Variants in DST observed in about 807,000 individuals in gnomAD.
DST encodes the protein bullous pemphigoid antigen.
DST carries 253 observed loss-of-function variants against 875.2 expected under a neutral mutation model. The ratio of observed to expected loss-of-function variants is 0.29; its 90% CI spans 0.26 to 0.32. The LOEUF (loss-of-function observed/expected upper bound fraction) is 0.32, where lower values mean the gene tolerates loss of function less well. Ranked by LOEUF, DST falls within the 10% of genes least tolerant of loss-of-function variation. The pLI, the probability that DST is intolerant of heterozygous loss-of-function variation, is 1.00. For missense variants in DST, 8,287 were observed against 9,111.6 expected (o/e 0.91, Z 3.68); for synonymous variants, 3,124 against 3,197.1 (o/e 0.98, Z 0.77).
At chr6:56,847,659 C>A (rs1242203602) in intron 4 of DST, among the ~76,000 whole-genome samples, 1 of 152,178 alleles carries the variant, frequency 6.6e-6, no homozygotes, top group South Asian at 2.1e-4. Flanking sequence ...CTCTTTAAAT[C>A]TCAATTCAAG....
chr6:56,614,906 G>C, intron 36 of DST: 1 of 991,696 alleles, frequency 1.0e-6, no homozygotes, highest in Non-Finnish European at 1.2e-6. Flanking sequence ...ACAGAATGAA[G>C]AAAATCCTTC....
chr6:56,815,345 T>A (rs1415258329), intron 4 of DST, among the ~76,000 whole-genome samples: 1 of 146,506 alleles, frequency 6.8e-6, no homozygotes, highest in African/African-American at 2.5e-5. Flanking sequence ...CACACCAAGG[T>A]ATACGTATAA....
At chr6:56,568,057 G>C (rs999296959) in intron 55 of DST, among the ~76,000 whole-genome samples, 2 of 151,980 alleles carry the variant, frequency 1.3e-5, no homozygotes, top group Non-Finnish European at 2.9e-5. Flanking sequence ...ATAGAAAAGG[G>C]CCTATTTCCT....
chr6:56,803,376 T>A (rs1429933238), intron 4 of DST, among the ~76,000 whole-genome samples: 1 of 152,108 alleles, frequency 6.6e-6, no homozygotes, highest in East Asian at 1.9e-4. Flanking sequence ...TTAATATCTA[T>A]CATAGTGACA....
At position 56,592,323 on chromosome 6, in the gene DST, C is replaced by T. The variant is rs777200803; in HGVS notation, c.12762G>A (p.Val4254=). 5.6e-6 allele frequency: 9 copies of T among 1,604,620 alleles called. No individual in the cohort carries two copies. In the Admixed American group the frequency reaches 8.5e-5, roughly 15 times the overall value. ...NVLGNNLKDL[V]DKYQHYEDAS... Reference sequence around the variant, plus strand: ...CATCTTCATAGTGTTGATATTTATCCACCAGATCTTTAAGATTATTTCCAA... The same window carrying T: ...CATCTTCATAGTGTTGATATTTATCTACCAGATCTTTAAGATTATTTCCAA... Residue 4254 remains valine (V), a synonymous_variant, in exon 49 of 104, where the codon GTG becomes GTA. Transcript: ENST00000680361.
chr6:56,584,938 T>G (rs1344636330), intron 49 of DST, among the ~76,000 whole-genome samples: 2 of 151,936 alleles, frequency 1.3e-5, no homozygotes, highest in Non-Finnish European at 2.9e-5. Flanking sequence ...ATCCCAGGGA[T>G]GAAGCCCACT....
At position 56,609,021 on chromosome 6, in the gene DST, G is replaced by A. The variant is rs778407846; in HGVS notation, c.5607C>T (p.Ala1869=). Residue 1869 remains alanine (A), a synonymous_variant, in exon 40 of 104, where the codon GCC becomes GCT. Coordinates refer to ENST00000680361, the MANE Select transcript of DST (RefSeq NM_001374736.1). ...LAQSMITESM[A]IKVLEILLST... is the part of the protein sequence containing the mutation. ...AAAGCAGTATCTCAAGAACTTTGAT[G>A]GCCATGGATTCTGTTATCATGCTTT... 2 of 1,613,830 alleles carry A rather than the reference G, an allele frequency of 1.2e-6. No homozygotes were observed. The highest frequency in any genetic ancestry group is 4.5e-5 in the East Asian group (2 of 44,888).
At chr6:56,603,528 A>T (rs780271045) in intron 41 of DST, 36 bp downstream of exon 41, 1 of 1,594,528 alleles carries the variant, frequency 6.3e-7, no homozygotes, top group South Asian at 1.1e-5. Context: ...ACATCAGCTG[A>T]CTACCATCCA....
chr6:56,806,211 T>A (rs2099752813), intron 4 of DST, among the ~76,000 whole-genome samples: 1 of 152,180 alleles, frequency 6.6e-6, no homozygotes, highest in African/African-American at 2.4e-5. Flanking sequence ...AGGCAAAATT[T>A]AAAAATATAT....
chr6:56,700,419 T>C (rs1293286516), intron 8 of DST, among the ~76,000 whole-genome samples: 1 of 152,194 alleles, frequency 6.6e-6, no homozygotes, highest in Non-Finnish European at 1.5e-5. Flanking sequence ...TTTTGTCTTT[T>C]AAAAATAAAT....
intron 2 of DST, among the ~76,000 whole-genome samples, chr6:56,920,723 C>G (rs1006378413): frequency 7.1e-6 from 1 of 141,386 alleles, no homozygotes; most frequent in African/African-American, 2.6e-5. Flanking sequence ...TTCTTTCTTT[C>G]TTCCTTTTTT....
At chr6:56,478,358 C>A (rs1420982871) in intron 90 of DST, among the ~76,000 whole-genome samples, 2 of 151,976 alleles carry the variant, frequency 1.3e-5, no homozygotes, top group African/African-American at 4.8e-5. Context: ...GAAGAGTGAG[C>A]CTGACAGCAG....
chr6:56,883,903 T>G (rs1783380351), intron 3 of DST, among the ~76,000 whole-genome samples: 1 of 152,148 alleles, frequency 6.6e-6, no homozygotes, highest in African/African-American at 2.4e-5. Flanking sequence ...TAAAATATTT[T>G]TATAAGTTTC....
intron 50 of DST, among the ~76,000 whole-genome samples, chr6:56,574,645 T>TAA (rs200882784): frequency 1.4e-5 from 2 of 144,914 alleles, no homozygotes; most frequent in South Asian, 2.2e-4. Context: ...TTCAAGATGC[T>TAA]AAAAAAAAAA....
intron 37 of DST, among the ~76,000 whole-genome samples, chr6:56,614,012 G>C (rs951665157): frequency 6.6e-6 from 1 of 152,092 alleles, no homozygotes; most frequent in African/African-American, 2.4e-5. Flanking sequence ...TGGAGTGCAT[G>C]GATCTACTCT....
intron 91 of DST, among the ~76,000 whole-genome samples, chr6:56,476,584 T>G (rs1343316560): frequency 6.6e-6 from 1 of 152,144 alleles, no homozygotes; most frequent in African/African-American, 2.4e-5. Flanking sequence ...TCCTTTTGCT[T>G]TCTAATTTGA....
chr6:56,610,294 A>T, intron 39 of DST, 133 bp downstream of exon 39: 1 of 663,652 alleles, frequency 1.5e-6, no homozygotes, highest in Non-Finnish European at 2.4e-6. Flanking sequence ...CCAAACATTT[A>T]AATAAACTCA....
At chr6:56,702,510 TAGAG>T (rs1205990011) in intron 7 of DST, among the ~76,000 whole-genome samples, 1 of 152,098 alleles carries the variant, frequency 6.6e-6, no homozygotes, top group African/African-American at 2.4e-5. Flanking sequence ...TTAGCCATGA[TAGAG>T]AAAGAGAGAA....
At chr6:56,892,576 T>C (rs961585337) in intron 3 of DST, among the ~76,000 whole-genome samples, 4 of 152,078 alleles carry the variant, frequency 2.6e-5, no homozygotes, top group Non-Finnish European at 5.9e-5. Flanking sequence ...TCCTCCCACC[T>C]CAGCCTCCCA....
Sources: allele counts gnomAD v4.1 joint callset (sites outside exome capture counted in the v4.1 genomes callset), GRCh38; gene constraint gnomAD v4.1.1; transcripts MANE v1.5; gene names NCBI Gene and HGNC (gene_info 2026-07-23, HGNC 2026-07-21).